The following GPATCH2L variants were observed in gnomAD, a reference collection of about 807,000 sequenced individuals.
GPATCH2L encodes the protein G patch domain-containing protein 2-like.
Under a neutral mutation model 57.4 loss-of-function variants are expected in GPATCH2L, and 31 were observed. The ratio of observed to expected loss-of-function variants is 0.54; its 90% CI spans 0.41 to 0.73. The LOEUF (loss-of-function observed/expected upper bound fraction) is 0.73, where lower values mean the gene tolerates loss of function less well. Ranked by LOEUF, GPATCH2L falls within the 30% of genes least tolerant of loss-of-function variation. GPATCH2L has a pLI of 0.00. For missense variants in GPATCH2L, 481 were observed against 599.9 expected, an observed-to-expected ratio of 0.80 and a Z score of 2.07; for synonymous variants, 199 against 210.7, an observed-to-expected ratio of 0.94 and a Z score of 0.48.
At position 76,180,697 on chromosome 14, in the gene GPATCH2L, G is replaced by A. The variant is rs996260814; in HGVS notation, c.1108-67G>A. On this transcript the variant is annotated intron_variant, in intron 7 of 9. Transcript: ENST00000261530. ...CAAAGGGGAAAAGTAATCAAATGTA[G>A]GTTACCCTTTAGGATCAGGTCCGTT... The A allele has an allele frequency of 6.1e-6, 6 of 983,790 alleles. No individual in the cohort carries two copies. The African/African-American group carries it at 8.0e-5, about 13-fold the overall frequency. The allele number at this position is 983,790 out of a possible 1,614,324, so 60.9% of individuals were successfully genotyped here.
chr14:76,163,208 C>G (rs1292088799), intron 2 of GPATCH2L, among the ~76,000 whole-genome samples: 1 of 152,118 alleles, frequency 6.6e-6, no homozygotes, highest in Non-Finnish European at 1.5e-5. Flanking sequence ...TCTCTAAGCC[C>G]CTTTCCATTT....
intron 9 of GPATCH2L, among the ~76,000 whole-genome samples, chr14:76,200,430 T>C (rs1233919424): frequency 1.3e-5 from 2 of 151,682 alleles, no homozygotes; most frequent in Non-Finnish European, 2.9e-5. Flanking sequence ...TTTTGAAATT[T>C]ATTACCAGTT....
intron 4 of GPATCH2L, among the ~76,000 whole-genome samples, chr14:76,173,287 GC>G (rs1241344323): frequency 1.3e-5 from 2 of 152,018 alleles, no homozygotes; most frequent in African/African-American, 2.4e-5. Flanking sequence ...CTTCAAAACA[GC>G]CCAGTAAGGT....
At chr14:76,167,955 A>G (rs1371953076) in intron 3 of GPATCH2L, among the ~76,000 whole-genome samples, 1 of 152,200 alleles carries the variant, frequency 6.6e-6, no homozygotes, top group Admixed American at 6.5e-5. Flanking sequence ...GAAAGTGTGG[A>G]CCTGTTACAG....
chr14:76,219,890 C>G (rs2040506918), intron 1 of GPATCH2L, among the ~76,000 whole-genome samples: 1 of 152,140 alleles, frequency 6.6e-6, no homozygotes, highest in African/African-American at 2.4e-5. Context: ...TTTGATTGGC[C>G]TTGCATATGA....
intron 2 of GPATCH2L, among the ~76,000 whole-genome samples, chr14:76,157,162 T>C (rs1048687667): frequency 2.2e-4 from 34 of 152,186 alleles, no homozygotes; most frequent in Non-Finnish European, 4.7e-4. Context: ...TCTAGTTATT[T>C]AGGAGTTCTA....
chr14:76,216,276 C>G (rs1353079007), downstream of GPATCH2L, among the ~76,000 whole-genome samples: 1 of 152,116 alleles, frequency 6.6e-6, no homozygotes, highest in East Asian at 1.9e-4. Context: ...CAAGTTGTCC[C>G]TTACATAGAG....
chr14:76,215,923 A>G (rs1190512099), downstream of GPATCH2L, among the ~76,000 whole-genome samples: 1 of 152,060 alleles, frequency 6.6e-6, no homozygotes, highest in Non-Finnish European at 1.5e-5. Flanking sequence ...TAAAAAAATA[A>G]AATAAAAATT....
intron 2 of GPATCH2L, among the ~76,000 whole-genome samples, chr14:76,232,012 A>AGCCTCACTGCAGCCTCACT (rs1566830293): frequency 8.3e-4 from 2 of 2,402 alleles, no homozygotes; most frequent in Non-Finnish European, 1.9e-3. Flanking sequence ...TGCAGGCTCA[A>AGCCTCACTGCAGCCTCACT]GCAATCTTCC....
At chr14:76,184,902 GA>G (rs1275989194) in intron 8 of GPATCH2L, among the ~76,000 whole-genome samples, 41 of 152,220 alleles carry the variant, frequency 2.7e-4, no homozygotes, top group African/African-American at 9.7e-4. Flanking sequence ...CCAGGGTTAA[GA>G]ACTGTTGTCC....
intron 2 of GPATCH2L, among the ~76,000 whole-genome samples, chr14:76,233,539 C>T (rs1266134124): frequency 1.3e-5 from 2 of 152,200 alleles, no homozygotes; most frequent in Non-Finnish European, 2.9e-5. Flanking sequence ...CCACAACCGT[C>T]AATCAACTCC....
chr14:76,186,069 G>A (rs1275156646), intron 8 of GPATCH2L, among the ~76,000 whole-genome samples: 1 of 151,998 alleles, frequency 6.6e-6, no homozygotes, highest in Non-Finnish European at 1.5e-5. Context: ...TGAGCATCCT[G>A]GTAACCAATA....
intron 1 of GPATCH2L, among the ~76,000 whole-genome samples, chr14:76,228,364 T>C (rs2040545476): frequency 6.6e-6 from 1 of 152,212 alleles, no homozygotes; most frequent in Non-Finnish European, 1.5e-5. Context: ...CGCGCGCGTG[T>C]GTGTGTACAC....
At chr14:76,176,601 C>T (rs1461277007) in intron 5 of GPATCH2L, 22 bp from the exon 6 acceptor site, 2 of 1,552,362 alleles carry the variant, frequency 1.3e-6, no homozygotes, top group South Asian at 2.2e-5. Flanking sequence ...GGATGATACT[C>T]TTGTCTGCCT....
Position 76,202,917 on chromosome 14 carries a change from T to C in GPATCH2L, c.*1066T>C, listed in dbSNP as rs2040333237. 1 of 152,284 alleles carries C rather than the reference T, an allele frequency of 6.6e-6. No individual in the cohort carries two copies. The highest frequency in any genetic ancestry group is 2.4e-5 in the African/African-American group (1 of 41,444). 9.4% of individuals were successfully genotyped at this position (152,284 alleles called of 1,614,324 possible). On this transcript the variant is annotated 3_prime_UTR_variant, in exon 10 of 10. Transcript: ENST00000261530. ...TGGAGCTGCTGGAGAGAAGCCACGC[T>C]TTCTAGAAAATATTATCAGGAGTGT...
downstream of GPATCH2L, among the ~76,000 whole-genome samples, chr14:76,215,922 AAAATAAAAATT>A (rs2040487435): frequency 6.9e-6 from 1 of 145,368 alleles, no homozygotes; most frequent in African/African-American, 2.4e-5. Context: ...TTAAAAAAAT[AAAATAAAAATT>A]AAAAAAAATG....
At chr14:76,190,021 A>C (rs987665098) in intron 8 of GPATCH2L, among the ~76,000 whole-genome samples, 2 of 151,978 alleles carry the variant, frequency 1.3e-5, no homozygotes, top group Non-Finnish European at 2.9e-5. Context: ...CTTAGGAGTG[A>C]CTCTAAAGAT....
chr14:76,197,968 T>A (rs2040207259), intron 9 of GPATCH2L, among the ~76,000 whole-genome samples: 1 of 152,120 alleles, frequency 6.6e-6, no homozygotes, highest in Non-Finnish European at 1.5e-5. Context: ...TGGTAGAAAG[T>A]TTTGAGTTGC....
chr14:76,166,097 T>C (rs2038822991), intron 2 of GPATCH2L, among the ~76,000 whole-genome samples: 1 of 152,236 alleles, frequency 6.6e-6, no homozygotes, highest in Non-Finnish European at 1.5e-5. Context: ...AGTTTGTTTT[T>C]ATATTTTTGT....
Sources: gnomAD v4.1 joint callset for allele counts (sites outside exome capture counted in the v4.1 genomes callset) on GRCh38, gnomAD v4.1.1 for gene constraint, MANE v1.5 for transcripts, NCBI Gene and HGNC (gene_info 2026-07-23, HGNC 2026-07-21) for gene names.